The following SMAP1 variants were observed in gnomAD, a reference collection of about 807,000 sequenced individuals.
SMAP1 encodes the protein small ArfGAP 1.
A neutral mutation model predicts 58.5 loss-of-function variants in SMAP1; 24 were observed. That is an observed-to-expected ratio of 0.41 (90% CI 0.30 to 0.58). The LOEUF (loss-of-function observed/expected upper bound fraction) is 0.58, where lower values mean the gene tolerates loss of function less well. Ranked by LOEUF, SMAP1 falls within the 20% of genes least tolerant of loss-of-function variation. The pLI is 0.29. For missense variants in SMAP1, 563 were observed against 566.3 expected (o/e 0.99, Z 0.06); for synonymous variants, 216 against 196.6 (o/e 1.10, Z -0.82).
At chr6:70,804,768 C>T (rs1216326332) in intron 6 of SMAP1, among the ~76,000 whole-genome samples, 1 of 152,076 alleles carries the variant, frequency 6.6e-6, no homozygotes, top group African/African-American at 2.4e-5. Context: ...CTTAGTTTGG[C>T]TGGATATGAA....
intron 7 of SMAP1, among the ~76,000 whole-genome samples, chr6:70,850,318 C>T (rs139640665): frequency 6.6e-6 from 1 of 151,964 alleles, no homozygotes; most frequent in East Asian, 1.9e-4. Context: ...AAAAAATCAA[C>T]GGGATTTTCT....
At chr6:70,688,198 T>G (rs1391659435) in intron 1 of SMAP1, among the ~76,000 whole-genome samples, 1 of 152,234 alleles carries the variant, frequency 6.6e-6, no homozygotes, top group Non-Finnish European at 1.5e-5. Context: ...GTTTAACCAT[T>G]CATCTGTTGA....
At chr6:70,830,768 T>C (rs1033036467) in intron 6 of SMAP1, among the ~76,000 whole-genome samples, 1 of 152,244 alleles carries the variant, frequency 6.6e-6, no homozygotes, top group Non-Finnish European at 1.5e-5. Flanking sequence ...GGAATACATT[T>C]TGGAAATCTG....
intron 7 of SMAP1, among the ~76,000 whole-genome samples, chr6:70,846,327 G>C (rs996194338): frequency 1.3e-5 from 2 of 152,226 alleles, no homozygotes; most frequent in South Asian, 4.1e-4. Flanking sequence ...TTGAGTATGT[G>C]CCTTAATCCA....
chr6:70,679,063 G>A (rs929338613), intron 1 of SMAP1, among the ~76,000 whole-genome samples: 6 of 148,350 alleles, frequency 4.0e-5, no homozygotes, highest in South Asian at 2.1e-4. Flanking sequence ...TTACTCTGTC[G>A]CCCAAGCTGG....
chr6:70,715,138 G>A (rs1423874700), intron 1 of SMAP1, among the ~76,000 whole-genome samples: 9 of 118,568 alleles, frequency 7.6e-5, no homozygotes, highest in Non-Finnish European at 1.1e-4. Flanking sequence ...TTATAGTGTT[G>A]CCCAGGCTGG....
intron 1 of SMAP1, among the ~76,000 whole-genome samples, chr6:70,677,955 A>G (rs1237722327): frequency 1.3e-5 from 2 of 152,120 alleles, no homozygotes; most frequent in Admixed American, 1.3e-4. Flanking sequence ...TTGGAGTGGC[A>G]TTTAGTTACT....
At chr6:70,737,701 A>AT (rs1192670346) in intron 2 of SMAP1, among the ~76,000 whole-genome samples, 1 of 152,212 alleles carries the variant, frequency 6.6e-6, no homozygotes, top group African/African-American at 2.4e-5. Flanking sequence ...TATGCACTTG[A>AT]TTTTTTAATG....
chr6:70,857,855 G>A, intron 9 of SMAP1, 67 bp from the exon 10 acceptor site: 1 of 1,544,242 alleles, frequency 6.5e-7, no homozygotes, highest in Non-Finnish European at 8.8e-7. Flanking sequence ...ATTTTTCTGT[G>A]ATTATAGAGA....
At chr6:70,751,597 T>C (rs982719297) in intron 2 of SMAP1, among the ~76,000 whole-genome samples, 3 of 101,858 alleles carry the variant, frequency 2.9e-5, no homozygotes, top group African/African-American at 1.3e-4. Context: ...AAAAAAATAC[T>C]GACAGGGAAT....
chr6:70,785,048 TG>T (rs1767945968), intron 4 of SMAP1, among the ~76,000 whole-genome samples: 1 of 152,130 alleles, frequency 6.6e-6, no homozygotes, highest in South Asian at 2.1e-4. Flanking sequence ...ACCACATAGT[TG>T]GAAGTAAAGG....
Position 70,860,757 on chromosome 6 carries a change from A to T in SMAP1, c.*423A>T, listed in dbSNP as rs1381317918. ...ACTGTATGATCAAATGTTTAATCATATAAATAGAATGTAAATGTCTCACTG... is the reference window on the plus strand; with the variant it reads ...ACTGTATGATCAAATGTTTAATCATTTAAATAGAATGTAAATGTCTCACTG... On this transcript the variant is annotated 3_prime_UTR_variant, in exon 11 of 11. Transcript: ENST00000370455. 2.5e-6 allele frequency: 1 copy of T among 399,860 alleles called. No individual in the cohort carries two copies. The highest frequency in any genetic ancestry group is 4.4e-6 in the Non-Finnish European group (1 of 226,644). 24.8% of individuals were successfully genotyped at this position (399,860 alleles called of 1,614,324 possible).
At chr6:70,687,947 A>T (rs1475159549) in intron 1 of SMAP1, among the ~76,000 whole-genome samples, 1 of 152,068 alleles carries the variant, frequency 6.6e-6, no homozygotes, top group African/African-American at 2.4e-5. Context: ...AACCACACAT[A>T]CTTTTCTCTG....
rs1420071708 is a variant in SMAP1 at position 70,687,678 on chromosome 6, A to G, written c.118+19537A>G. 2.6e-5 allele frequency among the ~76,000 whole-genome samples: 4 copies of G among 152,332 alleles called. No individual in the cohort carries two copies. In the South Asian group the frequency reaches 8.3e-4, roughly 32 times the overall value. ...ATATATGTTGGATGATTAAAAAAATACATAGACACTTGACCCAGTTTCTCC... is the reference window on the plus strand; with the variant it reads ...ATATATGTTGGATGATTAAAAAAATGCATAGACACTTGACCCAGTTTCTCC... On this transcript the variant is annotated intron_variant, in intron 1 of 10. Transcript: ENST00000370455.
At chr6:70,780,198 A>T (rs186725077) in intron 4 of SMAP1, among the ~76,000 whole-genome samples, 87 of 152,304 alleles carry the variant, frequency 5.7e-4, no homozygotes, top group African/African-American at 1.9e-3. Context: ...AATTCTGCCT[A>T]CTATGGTCAT....
chr6:70,724,251 C>T (rs954034279), intron 1 of SMAP1, among the ~76,000 whole-genome samples: 3 of 151,140 alleles, frequency 2.0e-5, no homozygotes, highest in Admixed American at 1.3e-4. Context: ...GGCTGGAGTG[C>T]AGTGTTGTGA....
intron 1 of SMAP1, among the ~76,000 whole-genome samples, chr6:70,721,374 C>T (rs1296855605): frequency 1.3e-5 from 2 of 152,202 alleles, no homozygotes; most frequent in Non-Finnish European, 2.9e-5. Flanking sequence ...AGTCACCTTA[C>T]TCCAGTTCCC....
intron 1 of SMAP1, among the ~76,000 whole-genome samples, chr6:70,722,445 G>C (rs561582822): frequency 1.0e-3 from 159 of 152,266 alleles, no homozygotes; most frequent in African/African-American, 3.3e-3. Context: ...TTACTAGCAT[G>C]TGCTAAGCAC....
At chr6:70,805,334 A>G (rs993530085) in intron 6 of SMAP1, among the ~76,000 whole-genome samples, 1 of 152,174 alleles carries the variant, frequency 6.6e-6, no homozygotes, top group Admixed American at 6.5e-5. Flanking sequence ...TTCTCGTGCC[A>G]TGGCTTTCAG....
Sources: gnomAD v4.1 joint callset for allele counts (sites outside exome capture counted in the v4.1 genomes callset) on GRCh38, gnomAD v4.1.1 for gene constraint, MANE v1.5 for transcripts, NCBI Gene and HGNC (gene_info 2026-07-23, HGNC 2026-07-21) for gene names.